FBXL20: variants seen among roughly 807,000 people sequenced by gnomAD.
FBXL20 encodes F-box and leucine rich repeat protein 20.
Under a neutral mutation model 64.0 loss-of-function variants are expected in FBXL20, and 11 were observed. That is an observed-to-expected ratio of 0.17 (90% CI 0.11 to 0.28). FBXL20 has a LOEUF of 0.28. Among genes scored for constraint, FBXL20 ranks in the 10% least tolerant of loss-of-function variants. The pLI is 1.00. For missense variants in FBXL20, 303 were observed against 526.2 expected (o/e 0.58, Z 4.15); for synonymous variants, 184 against 189.0 (o/e 0.97, Z 0.22).
intron 6 of FBXL20, among the ~76,000 whole-genome samples, chr17:39,294,865 A>C (rs1189860416): frequency 6.6e-6 from 1 of 152,140 alleles, no homozygotes; most frequent in East Asian, 1.9e-4. Context: ...TACAAAAATT[A>C]GTTGGACATG....
intron 12 of FBXL20, among the ~76,000 whole-genome samples, chr17:39,266,124 A>G (rs1433985841): frequency 1.6e-5 from 2 of 124,830 alleles, no homozygotes; most frequent in Non-Finnish European, 3.1e-5. Context: ...GGTGGAGTGC[A>G]GTGGCATGAT....
At chr17:39,270,922 A>T (rs1489107637) in intron 10 of FBXL20, 66 bp from the exon 11 acceptor site, 1 of 1,298,832 alleles carries the variant, frequency 7.7e-7, no homozygotes, top group Non-Finnish European at 1.1e-6. Context: ...AGTTTATTAA[A>T]ACAGTAAGAA....
intron 6 of FBXL20, among the ~76,000 whole-genome samples, chr17:39,287,157 C>T (rs945653743): frequency 1.2e-4 from 18 of 151,942 alleles, no homozygotes; most frequent in Non-Finnish European, 2.2e-4. Flanking sequence ...GTGATCTGCC[C>T]GCCTCGGCCT....
At chr17:39,386,308 A>AAAAT (rs368351934) in intron 1 of FBXL20, among the ~76,000 whole-genome samples, 6,400 of 151,284 alleles carry the variant, frequency 0.042, 266 homozygotes, top group African/African-American at 0.11. Context: ...CTCTGTCTCA[A>AAAAT]AAATAAATAA....
intron 1 of FBXL20, among the ~76,000 whole-genome samples, chr17:39,366,890 T>G (rs928407085): frequency 6.6e-6 from 1 of 151,776 alleles, no homozygotes; most frequent in Non-Finnish European, 1.5e-5. Context: ...TCCTTTTTTT[T>G]TTTTTTTTCC....
chr17:39,337,894 A>T (rs8072968), intron 2 of FBXL20, among the ~76,000 whole-genome samples: 1 of 146,996 alleles, frequency 6.8e-6, no homozygotes, highest in African/African-American at 2.5e-5. Context: ...CCGGCCAGCC[A>T]CCCTATCCGG....
At chr17:39,265,818 T>C (rs919887705) in intron 12 of FBXL20, among the ~76,000 whole-genome samples, 1 of 151,300 alleles carries the variant, frequency 6.6e-6, no homozygotes, top group African/African-American at 2.4e-5. Flanking sequence ...TCACAGCTCA[T>C]TGCAGCCTCA....
chr17:39,402,037 G>T, upstream of FBXL20: 1 of 761,382 alleles, frequency 1.3e-6, no homozygotes, highest in Non-Finnish European at 1.8e-6. Context: ...CCCTCCGCGG[G>T]CAAACAGGCA....
At chr17:39,349,179 G>C (rs560218610) in intron 1 of FBXL20, among the ~76,000 whole-genome samples, 1 of 151,924 alleles carries the variant, frequency 6.6e-6, no homozygotes, top group African/African-American at 2.4e-5. Context: ...TTGAACCCGG[G>C]AGACAGAGGT....
chr17:39,340,443 T>C (rs1323740116), intron 2 of FBXL20, among the ~76,000 whole-genome samples: 1 of 152,184 alleles, frequency 6.6e-6, no homozygotes, highest in Non-Finnish European at 1.5e-5. Flanking sequence ...TTGGCCAGGC[T>C]GGTCTCCAAC....
intron 2 of FBXL20, among the ~76,000 whole-genome samples, chr17:39,329,167 T>G (rs2047437295): frequency 6.6e-6 from 1 of 152,172 alleles, no homozygotes; most frequent in South Asian, 2.1e-4. Flanking sequence ...TCAGACCTAA[T>G]GATCAAAGCT....
At chr17:39,371,033 C>A (rs1007562703) in intron 1 of FBXL20, among the ~76,000 whole-genome samples, 1 of 151,774 alleles carries the variant, frequency 6.6e-6, no homozygotes, top group Non-Finnish European at 1.5e-5. Context: ...AGCCTGACCA[C>A]CATGGAGAAA....
intron 2 of FBXL20, among the ~76,000 whole-genome samples, chr17:39,342,541 C>T (rs979774427): frequency 6.6e-6 from 1 of 152,120 alleles, no homozygotes; most frequent in Non-Finnish European, 1.5e-5. Flanking sequence ...CAGTGAAATC[C>T]CGTCTCTACT....
intron 2 of FBXL20, among the ~76,000 whole-genome samples, chr17:39,327,841 T>C (rs958720587): frequency 3.9e-5 from 6 of 152,044 alleles, no homozygotes; most frequent in African/African-American, 4.8e-5. Flanking sequence ...GCTGGGACTA[T>C]AGGCGCCTGC....
At chr17:39,382,163 G>A (rs1220723377) in intron 1 of FBXL20, among the ~76,000 whole-genome samples, 1 of 150,990 alleles carries the variant, frequency 6.6e-6, no homozygotes, top group Non-Finnish European at 1.5e-5. Context: ...AAAATAGATG[G>A]CTTGGCGCGG....
chr17:39,314,671 T>C (rs1000776915), intron 2 of FBXL20, among the ~76,000 whole-genome samples: 4 of 151,686 alleles, frequency 2.6e-5, no homozygotes, highest in Middle Eastern at 3.2e-3. Context: ...AGTTATGTGG[T>C]ATTTCTATAT....
At chr17:39,317,712 T>TG (rs1214787495) in intron 2 of FBXL20, among the ~76,000 whole-genome samples, 10 of 106,540 alleles carry the variant, frequency 9.4e-5, no homozygotes, top group South Asian at 5.2e-4. Context: ...TTTTTTTTTT[T>TG]TTTTTTTGAG....
rs1027029098 is a variant in FBXL20, at chr17:39,384,509, G to A, written c.42+16852C>T. On this transcript the variant is annotated intron_variant, in intron 1 of 14. Transcript: ENST00000264658. The stretch of plus-strand genomic sequence containing the variant: ...CACTGCACTCCACCCTGGAGGCAGA[G>A]CAAGAGTCCATCTCAAAATAAATAA... Among the ~76,000 whole-genome samples, 5 of 150,774 alleles carry A rather than the reference G, an allele frequency of 3.3e-5. No individual in the cohort carries two copies. The South Asian group carries it at 8.4e-4, about 25-fold the overall frequency.
intron 1 of FBXL20, among the ~76,000 whole-genome samples, chr17:39,355,022 C>T (rs1254604114): frequency 1.3e-5 from 2 of 152,208 alleles, no homozygotes. Flanking sequence ...ACCTCTGCCT[C>T]CCTGGTTCAA....
Sources: allele counts gnomAD v4.1 joint callset (sites outside exome capture counted in the v4.1 genomes callset), GRCh38; gene constraint gnomAD v4.1.1; transcripts MANE v1.5; gene names NCBI Gene and HGNC (gene_info 2026-07-23, HGNC 2026-07-21).